The following MTTP variants were observed in gnomAD, a reference collection of about 807,000 sequenced individuals.
MTTP encodes microsomal triglyceride transfer protein, also known as microsomal triglyceride transfer protein large subunit.
MTTP carries 49 observed loss-of-function variants against 90.6 expected under a neutral mutation model. The ratio of observed to expected loss-of-function variants is 0.54; its 90% CI spans 0.43 to 0.69. MTTP has a LOEUF of 0.69. Among genes scored for constraint, MTTP ranks in the 30% least tolerant of loss-of-function variants. The pLI, the probability that MTTP is intolerant of heterozygous loss-of-function variation, is 0.00. For missense variants in MTTP, 945 were observed against 1,067.5 expected (o/e 0.89, Z 1.60); for synonymous variants, 347 against 384.2 (o/e 0.90, Z 1.13).
At chr4:99,579,398 C>A (rs1222431006) in intron 1 of MTTP, among the ~76,000 whole-genome samples, 13 of 152,088 alleles carry the variant, frequency 8.5e-5, no homozygotes, top group Admixed American at 7.9e-4. Context: ...TCCATTACAC[C>A]TGCAGGAGCC....
At chr4:99,581,622 A>T (rs1054630912) in intron 1 of MTTP, among the ~76,000 whole-genome samples, 1 of 82,714 alleles carries the variant, frequency 1.2e-5, no homozygotes, top group African/African-American at 4.7e-5. Context: ...GCATTTAAAC[A>T]AAAAAAAACC....
At chr4:99,575,010 C>A (rs1471909895) in intron 1 of MTTP, 40 bp downstream of exon 1, 1 of 1,607,686 alleles carries the variant, frequency 6.2e-7, no homozygotes, top group African/African-American at 1.3e-5. Flanking sequence ...TAATTTCCAT[C>A]TTTGGAGTTG....
chr4:99,567,085 T>G (rs1724720167), intron 1 of MTTP, among the ~76,000 whole-genome samples: 1 of 152,172 alleles, frequency 6.6e-6, no homozygotes, highest in Non-Finnish European at 1.5e-5. Flanking sequence ...CTATAATCAT[T>G]TCAACCTGCA....
chr4:99,570,209 T>A (rs1724804597), upstream of MTTP, among the ~76,000 whole-genome samples: 1 of 151,932 alleles, frequency 6.6e-6, no homozygotes, highest in Non-Finnish European at 1.5e-5. Context: ...ACTGGTAAAT[T>A]TTCAGTTTTA....
chr4:99,622,740 A>T lies in MTTP; in HGVS notation c.2577A>T (p.Lys859Asn), dbSNP rs1245107198. ...GAGGTTATGTCTCTCAGAAAAGAAA[A>T]GAAAGCGTATTAGCAGGATGTGAAT... ...TGRGYVSQKRKESVLAGCEFP... is the reference protein window; with the variant it reads ...TGRGYVSQKRNESVLAGCEFP... The change falls in exon 18 of 18, where the codon AAA becomes AAT. Residue 859 changes from lysine to asparagine, a missense_variant. Coordinates refer to ENST00000265517, the MANE Select transcript of MTTP (RefSeq NM_001386140.1). 3.7e-6 allele frequency: 6 copies of T among 1,614,010 alleles called. No individual in the cohort carries two copies. In the African/African-American group the frequency reaches 8.0e-5, roughly 22 times the overall value.
At chr4:99,564,400 A>C (rs943962110) in intron 1 of MTTP, 4 of 658,160 alleles carry the variant, frequency 6.1e-6, no homozygotes, top group Non-Finnish European at 9.5e-6. Context: ...ATTTTACATA[A>C]CTCAAGTGGA....
chr4:99,594,830 G>A lies in MTTP; in HGVS notation c.856G>A (p.Ala286Thr), dbSNP rs779543554. The A allele has an allele frequency of 6.2e-7, 1 of 1,614,048 alleles. No individual in the cohort carries two copies. The highest frequency in any genetic ancestry group is 8.5e-7 in the Non-Finnish European group (1 of 1,179,932). Residue 286 changes from alanine (A) to threonine (T), a missense_variant, in exon 7 of 18, where the codon GCC (alanine) becomes ACC (threonine). Physicochemically the swap from Ala to Thr is moderately conservative, Grantham distance 58. Transcript: ENST00000265517. ...IIKAVDSKYT[A>T]IPIVGQVFQS... ...CAAAGCAGTTGATTCAAAGTACACGGCCATTCCCATTGTGGGGCAGGTCTT... is the reference window on the plus strand; with the variant it reads ...CAAAGCAGTTGATTCAAAGTACACGACCATTCCCATTGTGGGGCAGGTCTT...
intron 10 of MTTP, among the ~76,000 whole-genome samples, chr4:99,603,155 G>A (rs1725737254): frequency 6.6e-6 from 1 of 152,080 alleles, no homozygotes; most frequent in South Asian, 2.1e-4. Context: ...AAATAGGCCT[G>A]GTATGGTTGG....
intron 3 of MTTP, among the ~76,000 whole-genome samples, chr4:99,586,931 C>T (rs889457493): frequency 6.6e-6 from 1 of 152,100 alleles, no homozygotes; most frequent in Non-Finnish European, 1.5e-5. Context: ...TCGTTTGTAA[C>T]CAGGTCATAC....
chr4:99,566,689 T>C (rs1251635614), intron 1 of MTTP, among the ~76,000 whole-genome samples: 1 of 152,216 alleles, frequency 6.6e-6, no homozygotes, highest in African/African-American at 2.4e-5. Flanking sequence ...TTGTTTGTTT[T>C]AAAATACTGA....
In MTTP at chr4:99,608,931, A is replaced by G; in HGVS notation, c.1723A>G (p.Met575Val). 1 of 1,614,156 alleles carries G rather than the reference A, an allele frequency of 6.2e-7. No individual in the cohort carries two copies. Among genetic ancestry groups the G allele is most frequent in the Non-Finnish European group, 8.5e-7 (1 of 1,180,020 alleles). Residue 575 changes from methionine (M) to valine (V), a missense_variant, in exon 12 of 18, where the codon ATG (methionine) becomes GTG (valine). Coordinates refer to ENST00000265517, the MANE Select transcript of MTTP (RefSeq NM_001386140.1). Reference sequence around the variant, plus strand: ...GCTTCCCCAAGAAATGAATAAATACATGCTCGCCATTGTTCAAGACATCCT... The same window carrying G: ...GCTTCCCCAAGAAATGAATAAATACGTGCTCGCCATTGTTCAAGACATCCT... Reference protein sequence around the residue: ...GELPQEMNKYMLAIVQDILRF... With the variant: ...GELPQEMNKYVLAIVQDILRF...
intron 10 of MTTP, among the ~76,000 whole-genome samples, chr4:99,605,338 A>G (rs1409376929): frequency 1.3e-5 from 2 of 152,256 alleles, no homozygotes; most frequent in Non-Finnish European, 2.9e-5. Context: ...CATTCTATAC[A>G]TACTCTTTTT....
chr4:99,622,745 G>A lies in MTTP; in HGVS notation c.2582G>A (p.Ser861Asn), dbSNP rs771890416. The change falls in exon 18 of 18, where the codon AGC becomes AAC. Residue 861 changes from serine to asparagine, a missense_variant. Coordinates refer to ENST00000265517, the MANE Select transcript of MTTP (RefSeq NM_001386140.1). ...TATGTCTCTCAGAAAAGAAAAGAAA[G>A]CGTATTAGCAGGATGTGAATTCCCG... ...RGYVSQKRKE[S>N]VLAGCEFPLH... 1.7e-5 allele frequency: 27 copies of A among 1,614,000 alleles called. No homozygotes were observed. In the East Asian group the frequency reaches 5.8e-4, roughly 35 times the overall value.
At chr4:99,607,059 TTCCCCAAATAGTCTTC>T in intron 11 of MTTP, 99 bp downstream of exon 11, 1 of 1,054,464 alleles carries the variant, frequency 9.5e-7, no homozygotes, top group East Asian at 2.6e-5. Flanking sequence ...ACTCTGTATT[TTCCCCAAATAGTCTTC>T]TCTCCTGCTT....
chr4:99,589,193 G>A (rs1253049193), intron 3 of MTTP, among the ~76,000 whole-genome samples: 1 of 149,274 alleles, frequency 6.7e-6, no homozygotes, highest in Non-Finnish European at 1.5e-5. Flanking sequence ...CATAAAGGCT[G>A]TGCCATCTCA....
At chr4:99,576,623 A>G (rs371878751) in intron 1 of MTTP, among the ~76,000 whole-genome samples, 7 of 128,700 alleles carry the variant, frequency 5.4e-5, no homozygotes, top group African/African-American at 2.1e-4. Context: ...TGAACCCGGG[A>G]GGCGGAGCTT....
chr4:99,589,760 A>G lies in MTTP; in HGVS notation c.501+10A>G. Reference sequence around the variant, plus strand: ...TGGAACCACCAATGAGGTACTTACCAATATTAATAAGGATTCAGCATCTCA... The same window carrying G: ...TGGAACCACCAATGAGGTACTTACCGATATTAATAAGGATTCAGCATCTCA... On this transcript the variant is annotated intron_variant, in intron 4 of 17. Coordinates refer to ENST00000265517, the MANE Select transcript of MTTP (RefSeq NM_001386140.1). 1 of 1,462,146 alleles carries G rather than the reference A, an allele frequency of 6.8e-7. No individual in the cohort carries two copies. Among genetic ancestry groups the G allele is most frequent in the Non-Finnish European group, 9.6e-7 (1 of 1,043,868 alleles). The allele number at this position is 1,462,146 out of a possible 1,614,324, so 90.6% of individuals were successfully genotyped here.
chr4:99,580,824 G>A (rs1432650166), intron 1 of MTTP, among the ~76,000 whole-genome samples: 1 of 152,152 alleles, frequency 6.6e-6, no homozygotes, highest in Non-Finnish European at 1.5e-5. Context: ...AGGAGACAGT[G>A]AACAGATTGT....
chr4:99,584,995 T>C (rs1055410703), intron 3 of MTTP, among the ~76,000 whole-genome samples: 2 of 152,148 alleles, frequency 1.3e-5, no homozygotes, highest in Non-Finnish European at 2.9e-5. Flanking sequence ...TCTCCTTTTA[T>C]GTCTTGGCTC....
Sources: allele counts gnomAD v4.1 joint callset (sites outside exome capture counted in the v4.1 genomes callset), GRCh38; gene constraint gnomAD v4.1.1; transcripts MANE v1.5; gene names NCBI Gene and HGNC (gene_info 2026-07-23, HGNC 2026-07-21).